Variants in ADAMTSL3 observed in about 807,000 individuals in gnomAD.
ADAMTSL3 encodes the protein ADAMTS like 3.
Under a neutral mutation model 201.7 loss-of-function variants are expected in ADAMTSL3, and 128 were observed. That is an observed-to-expected ratio of 0.63 (90% confidence interval 0.55 to 0.73). ADAMTSL3 has a LOEUF of 0.73. Ranked by LOEUF, ADAMTSL3 falls within the 30% of genes least tolerant of loss-of-function variation. The pLI is 0.00. For missense variants in ADAMTSL3, 1,990 were observed against 2,119.6 expected (o/e 0.94, Z 1.20); for synonymous variants, 738 against 748.4 (o/e 0.99, Z 0.23).
intron 3 of ADAMTSL3, among the ~76,000 whole-genome samples, chr15:83,724,547 G>C (rs1029438875): frequency 6.6e-6 from 1 of 151,852 alleles, no homozygotes; most frequent in African/African-American, 2.4e-5. Context: ...CTTTCTTTGT[G>C]TTCAGTCAAA....
At chr15:83,689,395 A>T (rs1156322860) in intron 2 of ADAMTSL3, among the ~76,000 whole-genome samples, 1 of 152,180 alleles carries the variant, frequency 6.6e-6, no homozygotes, top group East Asian at 1.9e-4. Context: ...TTTAGTTTTT[A>T]TACTTCCTTA....
At chr15:83,753,009 C>A (rs1340148816) in intron 3 of ADAMTSL3, among the ~76,000 whole-genome samples, 1 of 152,180 alleles carries the variant, frequency 6.6e-6, no homozygotes, top group Non-Finnish European at 1.5e-5. Flanking sequence ...TGCCTGCTTG[C>A]AATCATGAGT....
chr15:83,923,322 C>T (rs988080228), intron 16 of ADAMTSL3, among the ~76,000 whole-genome samples: 1 of 152,072 alleles, frequency 6.6e-6, no homozygotes, highest in African/African-American at 2.4e-5. Context: ...ATTGTGAAAG[C>T]ACTTTGTACA....
chr15:83,970,978 G>A (rs1450063931), intron 20 of ADAMTSL3, among the ~76,000 whole-genome samples: 1 of 152,172 alleles, frequency 6.6e-6, no homozygotes, highest in Non-Finnish European at 1.5e-5. Context: ...CACTTTGCTA[G>A]GATTGCATTT....
chr15:83,659,986 G>T (rs1368986395), intron 2 of ADAMTSL3, among the ~76,000 whole-genome samples: 2 of 152,152 alleles, frequency 1.3e-5, no homozygotes, highest in African/African-American at 4.8e-5. Flanking sequence ...AACTGTAAAA[G>T]AATAAACTTA....
intron 4 of ADAMTSL3, among the ~76,000 whole-genome samples, chr15:83,792,339 G>T (rs995136715): frequency 1.3e-5 from 2 of 151,958 alleles, no homozygotes; most frequent in Non-Finnish European, 2.9e-5. Flanking sequence ...CCACAATGAG[G>T]TATCATCTCA....
chr15:83,965,694 C>A (rs1198769937), intron 19 of ADAMTSL3, among the ~76,000 whole-genome samples: 1 of 152,200 alleles, frequency 6.6e-6, no homozygotes, highest in Non-Finnish European at 1.5e-5. Context: ...TAATAGACGT[C>A]TACAGAACTC....
At chr15:83,865,741 A>G (rs1567199460) in intron 8 of ADAMTSL3, among the ~76,000 whole-genome samples, 1 of 152,236 alleles carries the variant, frequency 6.6e-6, no homozygotes, top group Non-Finnish European at 1.5e-5. Flanking sequence ...AGCAATGGCA[A>G]CAAAAGCCAA....
chr15:83,857,265 G>C (rs1426554261), intron 7 of ADAMTSL3, among the ~76,000 whole-genome samples: 5 of 152,050 alleles, frequency 3.3e-5, no homozygotes, highest in African/African-American at 1.2e-4. Flanking sequence ...CATTCCGTGG[G>C]TTGCCTCTTC....
At chr15:83,892,355 C>T (rs899085031) in intron 12 of ADAMTSL3, among the ~76,000 whole-genome samples, 5 of 151,718 alleles carry the variant, frequency 3.3e-5, no homozygotes, top group South Asian at 4.2e-4. Context: ...CATTGTGAAA[C>T]CCTGTCTATA....
intron 23 of ADAMTSL3, among the ~76,000 whole-genome samples, chr15:84,004,698 A>G (rs573761064): frequency 6.6e-6 from 1 of 152,358 alleles, no homozygotes; most frequent in South Asian, 2.1e-4. Flanking sequence ...AGGCATGCCA[A>G]CAATTGATGC....
chr15:83,722,689 A>G (rs2062117673), intron 3 of ADAMTSL3, among the ~76,000 whole-genome samples: 1 of 152,322 alleles, frequency 6.6e-6, no homozygotes, highest in African/African-American at 2.4e-5. Flanking sequence ...AGAAGATAAC[A>G]AAAACAAGAG....
chr15:83,707,932 G>GTC (rs1475338188), intron 3 of ADAMTSL3, among the ~76,000 whole-genome samples: 1 of 152,236 alleles, frequency 6.6e-6, no homozygotes, highest in African/African-American at 2.4e-5. Context: ...TTTCAGAGCA[G>GTC]TCTCTCCAAA....
rs144132097 is a variant in ADAMTSL3 at position 83,670,723 on chromosome 15, C to CT, written c.69+14894dup. Among the ~76,000 whole-genome samples the CT allele has an allele frequency of 5.8e-3, 887 of 152,280 alleles. 4 individuals are homozygous for CT. The highest frequency in any genetic ancestry group is 0.02 in the African/African-American group (825 of 41,550). On this transcript the variant is annotated intron_variant, in intron 2 of 29. Coordinates refer to ENST00000286744, the MANE Select transcript of ADAMTSL3 (RefSeq NM_207517.3). ...TGCTCTGGTTAATAGACCCCATTCT[C>CT]TGTCTACCTGTGTGTGTATTGAGGT...
intron 25 of ADAMTSL3, among the ~76,000 whole-genome samples, chr15:84,017,688 G>A (rs1434330388): frequency 6.6e-6 from 1 of 152,172 alleles, no homozygotes; most frequent in Non-Finnish European, 1.5e-5. Context: ...TATAGTATTT[G>A]TATGACACAT....
At chr15:83,786,743 C>T (rs2063270646) in intron 4 of ADAMTSL3, among the ~76,000 whole-genome samples, 1 of 151,990 alleles carries the variant, frequency 6.6e-6, no homozygotes, top group Non-Finnish European at 1.5e-5. Flanking sequence ...CTTACTTATT[C>T]TTCAAGGTCA....
intron 23 of ADAMTSL3, among the ~76,000 whole-genome samples, chr15:84,008,384 C>T (rs915909129): frequency 6.6e-5 from 10 of 152,218 alleles, no homozygotes; most frequent in African/African-American, 9.6e-5. Flanking sequence ...TGTGAGCCAC[C>T]ACACCAGGCC....
intron 2 of ADAMTSL3, among the ~76,000 whole-genome samples, chr15:83,674,871 G>A (rs1040825879): frequency 6.7e-6 from 1 of 149,710 alleles, no homozygotes; most frequent in African/African-American, 2.4e-5. Flanking sequence ...ACTGTGTTGA[G>A]TCTTCCCAAT....
At chr15:83,892,544 T>A (rs937801273) in intron 12 of ADAMTSL3, 140 bp from the exon 13 acceptor site, 16 of 798,260 alleles carry the variant, frequency 2.0e-5, no homozygotes, top group Non-Finnish European at 2.9e-5. Flanking sequence ...AAAAAAAGTA[T>A]AAAGTCTTAT....
Sources: allele counts gnomAD v4.1 joint callset (sites outside exome capture counted in the v4.1 genomes callset), GRCh38; gene constraint gnomAD v4.1.1; transcripts MANE v1.5; gene names NCBI Gene and HGNC (gene_info 2026-07-23, HGNC 2026-07-21).